Variants in DUSP22 observed in about 807,000 individuals in gnomAD.
The protein encoded by DUSP22 is dual specificity phosphatase 22.
DUSP22 carries 24 observed loss-of-function variants against 24.5 expected under a neutral mutation model. That is an observed-to-expected ratio of 0.98 (90% CI 0.71 to 1.38). DUSP22 has a LOEUF of 1.38. Among genes scored for constraint, DUSP22 ranks in the 40% most tolerant of loss-of-function variants. DUSP22 has a pLI of 0.00. For missense variants in DUSP22, 330 were observed against 269.2 expected (o/e 1.23, Z -1.58); for synonymous variants, 160 against 106.4 (o/e 1.50, Z -3.10).
intron 4 of DUSP22, among the ~76,000 whole-genome samples, chr6:341,772 A>G (rs905887753): frequency 2.0e-5 from 3 of 152,416 alleles, no homozygotes; most frequent in South Asian, 2.1e-4. Context: ...AACTCTTACT[A>G]CAGACGGAAA....
chr6:350,890 A>T lies in DUSP22; in HGVS notation c.*1939A>T. 1.2e-6 allele frequency: 2 copies of T among 1,614,100 alleles called. No homozygotes were observed. The highest frequency in any genetic ancestry group is 2.2e-5 in the South Asian group (2 of 91,066). The stretch of plus-strand genomic sequence containing the variant: ...GTAATGTACCTGAAGTTTCTGAAAT[A>T]TTGCAAACCCACAGAGTTTAGGCTG... On this transcript the variant is annotated 3_prime_UTR_variant, in exon 7 of 7. Transcript: ENST00000419235.
At chr6:317,009 A>T (rs1254599154) in intron 3 of DUSP22, among the ~76,000 whole-genome samples, 1 of 152,306 alleles carries the variant, frequency 6.6e-6, no homozygotes, top group Non-Finnish European at 1.5e-5. Flanking sequence ...GGATGTTTTC[A>T]TATGCAGACA....
At chr6:348,394 G>A (rs1035380323) in intron 6 of DUSP22, 120 bp downstream of exon 6, 9 of 1,478,302 alleles carry the variant, frequency 6.1e-6, no homozygotes, top group South Asian at 1.3e-5. Flanking sequence ...AGAGGACATC[G>A]GCTCCCAGGG....
intron 1 of DUSP22, among the ~76,000 whole-genome samples, chr6:296,993 C>T (rs1355495809): frequency 2.0e-5 from 3 of 152,306 alleles, no homozygotes; most frequent in African/African-American, 7.2e-5. Context: ...CGGGAAGCCT[C>T]TCATGGTGCT....
intron 3 of DUSP22, among the ~76,000 whole-genome samples, chr6:333,323 G>A (rs1009130204): frequency 6.6e-6 from 1 of 152,308 alleles, no homozygotes; most frequent in Non-Finnish European, 1.5e-5. Context: ...TAAGTGAGAT[G>A]TTCCCATGTG....
At chr6:321,462 A>G (rs1324518875) in intron 3 of DUSP22, among the ~76,000 whole-genome samples, 1 of 152,304 alleles carries the variant, frequency 6.6e-6, no homozygotes, top group African/African-American at 2.4e-5. Context: ...GAGACCCTCG[A>G]AAGCTCTTGA....
chr6:328,380 C>T (rs905319972), intron 3 of DUSP22, among the ~76,000 whole-genome samples: 5 of 152,302 alleles, frequency 3.3e-5, no homozygotes, highest in African/African-American at 7.2e-5. Flanking sequence ...ACATTCTGAC[C>T]GTGCCCACTT....
chr6:316,435 G>A (rs1758338925), intron 3 of DUSP22, among the ~76,000 whole-genome samples: 1 of 152,304 alleles, frequency 6.6e-6, no homozygotes, highest in South Asian at 2.1e-4. Flanking sequence ...ACTTTGTCAG[G>A]GAGTTGCCCC....
At chr6:327,650 G>A (rs542539213) in intron 3 of DUSP22, among the ~76,000 whole-genome samples, 12 of 152,420 alleles carry the variant, frequency 7.9e-5, no homozygotes, top group South Asian at 4.1e-4. Context: ...GCTGCTGGTG[G>A]TGTGGGGGCC....
chr6:342,656 G>A (rs779210627), intron 4 of DUSP22, among the ~76,000 whole-genome samples: 2 of 152,310 alleles, frequency 1.3e-5, no homozygotes, highest in East Asian at 1.9e-4. Context: ...CTGACACATG[G>A]CATTCTAAGG....
At position 312,841 on chromosome 6, in the gene DUSP22, AG is replaced by A. The variant is rs1410245022; in HGVS notation, c.138+880del. Among the ~76,000 whole-genome samples, 3 of 152,424 alleles carry A rather than the reference AG, an allele frequency of 2.0e-5. No individual in the cohort carries two copies. In the South Asian group the frequency reaches 6.2e-4, roughly 32 times the overall value. ...AGTATAAAGTAAGCTAAAATTGATG[AG>A]AATGTAGAATAATAAATGATTCTAC... On this transcript the variant is annotated intron_variant, in intron 3 of 6. Coordinates refer to ENST00000419235, the MANE Select transcript of DUSP22 (RefSeq NM_001286555.3).
rs1760081080 is a variant in DUSP22, at chr6:349,560, G to A, written c.*609G>A. 3.0e-6 allele frequency: 3 copies of A among 989,454 alleles called. No homozygotes were observed. The highest frequency in any genetic ancestry group is 3.6e-6 in the Non-Finnish European group (3 of 832,960). 61.3% of individuals were successfully genotyped at this position (989,454 alleles called of 1,614,324 possible). A position where few individuals can be genotyped will look rare whatever the true frequency, so the allele number is the denominator to read the frequency against. On this transcript the variant is annotated 3_prime_UTR_variant, in exon 7 of 7. Transcript: ENST00000419235. ...ATGGCCTCTCCCAGAACCCACCCAG[G>A]GTGGTGTGGTGGGGGCAACAGGGGC... is the stretch of plus-strand genomic sequence containing the variant.
intron 2 of DUSP22, among the ~76,000 whole-genome samples, chr6:309,338 C>CA (rs1757961886): frequency 6.6e-6 from 1 of 152,310 alleles, no homozygotes; most frequent in South Asian, 2.1e-4. Flanking sequence ...TTTTCTTTCT[C>CA]ACTTTGGGTC....
chr6:326,640 C>T (rs1454815971), intron 3 of DUSP22, among the ~76,000 whole-genome samples: 2 of 152,302 alleles, frequency 1.3e-5, no homozygotes, highest in African/African-American at 4.8e-5. Context: ...ATGGGATTGC[C>T]CTTGAGGGAG....
intron 4 of DUSP22, among the ~76,000 whole-genome samples, chr6:342,475 G>T (rs1213201358): frequency 6.6e-6 from 1 of 152,308 alleles, no homozygotes; most frequent in African/African-American, 2.4e-5. Flanking sequence ...GTCTACTGCA[G>T]CCTGCAAGGA....
intron 1 of DUSP22, among the ~76,000 whole-genome samples, chr6:300,903 T>G (rs1375041597): frequency 6.6e-6 from 1 of 152,302 alleles, no homozygotes; most frequent in Non-Finnish European, 1.5e-5. Context: ...GAGCAGATGC[T>G]GTAAGTGGTC....
chr6:296,397 T>TG (rs1354112689), intron 1 of DUSP22, among the ~76,000 whole-genome samples: 1 of 152,298 alleles, frequency 6.6e-6, no homozygotes, highest in Non-Finnish European at 1.5e-5. Context: ...ACCCAGCTGG[T>TG]GAGTAGCAGA....
chr6:298,633 G>A (rs1345222865), intron 1 of DUSP22, among the ~76,000 whole-genome samples: 1 of 152,308 alleles, frequency 6.6e-6, no homozygotes, highest in Non-Finnish European at 1.5e-5. Context: ...ATCAAGCGTG[G>A]AGAATCTTTA....
rs117805711 is a variant in DUSP22, at chr6:305,254, C to T, written c.55+593C>T. On this transcript the variant is annotated intron_variant, in intron 2 of 6. Coordinates refer to ENST00000419235, the MANE Select transcript of DUSP22 (RefSeq NM_001286555.3). ...CACCCAAGCCCCTTGCTGGGTGCAC[C>T]GCAGCCCCTTGACCATCACCTGATG... 0.01 allele frequency among the ~76,000 whole-genome samples: 1,580 copies of T among 151,918 alleles called. 1 individual carries two copies. In the East Asian group the frequency reaches 0.12, roughly 12 times the overall value.
Sources: allele counts gnomAD v4.1 joint callset (sites outside exome capture counted in the v4.1 genomes callset), GRCh38; gene constraint gnomAD v4.1.1; transcripts MANE v1.5; gene names NCBI Gene and HGNC (gene_info 2026-07-23, HGNC 2026-07-21).